The following UBE3D variants were observed in gnomAD, a reference collection of about 807,000 sequenced individuals.
UBE3D encodes E3 ubiquitin-protein ligase E3D.
Under a neutral mutation model 49.6 loss-of-function variants are expected in UBE3D, and 48 were observed. That is an observed-to-expected ratio of 0.97 (90% CI 0.77 to 1.23). UBE3D has a LOEUF of 1.23. UBE3D is among the 50% of genes most tolerant of loss of function. The pLI, the probability that UBE3D is intolerant of heterozygous loss-of-function variation, is 0.00. For synonymous variants in UBE3D, 189 were observed against 174.2 expected, an observed-to-expected ratio of 1.08 and a Z score of -0.67; for missense variants, 452 against 468.4, an observed-to-expected ratio of 0.96 and a Z score of 0.32.
intron 8 of UBE3D, among the ~76,000 whole-genome samples, chr6:83,000,407 T>A (rs1267085211): frequency 2.5e-4 from 38 of 152,162 alleles, no homozygotes; most frequent in Non-Finnish European, 5.9e-5. Flanking sequence ...ATCCAATCAA[T>A]CATCAAGTAT....
intron 5 of UBE3D, among the ~76,000 whole-genome samples, chr6:83,028,026 T>C (rs1299182277): frequency 2.6e-5 from 4 of 152,224 alleles, no homozygotes; most frequent in Non-Finnish European, 4.4e-5. Flanking sequence ...CTTCAAGTTG[T>C]ATCTAATCTG....
intron 9 of UBE3D, among the ~76,000 whole-genome samples, chr6:82,904,395 G>GTT (rs1330104092): frequency 2.0e-5 from 3 of 152,216 alleles, no homozygotes; most frequent in Non-Finnish European, 2.9e-5. Flanking sequence ...GAAGTCAGCA[G>GTT]TTTGTACACT....
chr6:82,980,966 A>G, intron 8 of UBE3D, among the ~76,000 whole-genome samples: 1 of 152,060 alleles, frequency 6.6e-6, no homozygotes, highest in East Asian at 1.9e-4. Flanking sequence ...TTCATATCAT[A>G]TGGATGAGTT....
intron 9 of UBE3D, among the ~76,000 whole-genome samples, chr6:82,897,913 A>T (rs1771447588): frequency 1.3e-5 from 2 of 152,194 alleles, no homozygotes; most frequent in African/African-American, 4.8e-5. Flanking sequence ...AATGGGAGAA[A>T]ATTTTTGCAA....
intron 9 of UBE3D, among the ~76,000 whole-genome samples, chr6:82,931,241 A>G (rs1291887289): frequency 6.6e-6 from 1 of 152,218 alleles, no homozygotes; most frequent in African/African-American, 2.4e-5. Flanking sequence ...GTGCCTGGAA[A>G]TCCAGGCAGA....
At chr6:82,953,083 T>C (rs1775916687) in intron 9 of UBE3D, among the ~76,000 whole-genome samples, 1 of 152,198 alleles carries the variant, frequency 6.6e-6, no homozygotes. Context: ...AAGATGGGTA[T>C]AGAAATGGCC....
chr6:83,000,698 T>A (rs149282039), intron 8 of UBE3D, among the ~76,000 whole-genome samples: 70 of 152,146 alleles, frequency 4.6e-4, no homozygotes, highest in African/African-American at 1.6e-3. Context: ...GTCTCTTCCC[T>A]ACTCTATGCC....
rs554069126 is a variant in UBE3D, at chr6:82,942,068, A to T, written c.1149+15244T>A. 2.6e-4 allele frequency among the ~76,000 whole-genome samples: 39 copies of T among 152,292 alleles called. 1 individual carries two copies. In the South Asian group the frequency reaches 5.4e-3, roughly 21 times the overall value. On this transcript the variant is annotated intron_variant, in intron 9 of 9. Coordinates refer to ENST00000369747, the MANE Select transcript of UBE3D (RefSeq NM_198920.3). ...GGAGGGCTCAGAGGAAGACAGGAAG[A>T]TGTGAGAAAGTTTGGAACTTCCTAG...
intron 1 of UBE3D, among the ~76,000 whole-genome samples, chr6:83,060,562 T>A (rs1263490587): frequency 6.6e-6 from 1 of 152,164 alleles, no homozygotes; most frequent in Non-Finnish European, 1.5e-5. Flanking sequence ...AGAAGCGACA[T>A]CCAACAGTGA....
At chr6:82,993,888 A>C (rs1779067244) in intron 8 of UBE3D, among the ~76,000 whole-genome samples, 1 of 152,230 alleles carries the variant, frequency 6.6e-6, no homozygotes, top group Admixed American at 6.5e-5. Context: ...TGATCATATG[A>C]GATTCATAGT....
At chr6:82,942,732 A>C (rs895555344) in intron 9 of UBE3D, among the ~76,000 whole-genome samples, 1 of 152,194 alleles carries the variant, frequency 6.6e-6, no homozygotes, top group Non-Finnish European at 1.5e-5. Flanking sequence ...CTCCACCTAG[A>C]TTTCAGAGGA....
intron 8 of UBE3D, among the ~76,000 whole-genome samples, chr6:82,983,689 C>T (rs919713066): frequency 6.6e-6 from 1 of 152,062 alleles, no homozygotes; most frequent in African/African-American, 2.4e-5. Context: ...TCTCATGACA[C>T]CAACATAATT....
intron 8 of UBE3D, among the ~76,000 whole-genome samples, chr6:82,995,903 C>A (rs952395322): frequency 3.9e-5 from 6 of 152,152 alleles, no homozygotes; most frequent in African/African-American, 1.4e-4. Context: ...ACCGTCTCTA[C>A]TAAAAATACA....
intron 9 of UBE3D, among the ~76,000 whole-genome samples, chr6:82,910,625 C>T (rs79697203): frequency 0.046 from 7,021 of 152,258 alleles, 186 homozygotes; most frequent in African/African-American, 0.066. Flanking sequence ...TCTGCAGAGA[C>T]GGCTGTCACA....
chr6:83,031,992 C>A (rs1337720218), intron 5 of UBE3D, among the ~76,000 whole-genome samples: 1 of 152,188 alleles, frequency 6.6e-6, no homozygotes, highest in Non-Finnish European at 1.5e-5. Flanking sequence ...GCCTGGATGT[C>A]CAGGCAGAGG....
At chr6:82,907,173 G>C (rs1183874569) in intron 9 of UBE3D, among the ~76,000 whole-genome samples, 1 of 152,136 alleles carries the variant, frequency 6.6e-6, no homozygotes, top group East Asian at 1.9e-4. Context: ...GCCTTATGTG[G>C]GGACAGGTTC....
intron 8 of UBE3D, among the ~76,000 whole-genome samples, chr6:82,975,790 T>A (rs1416650716): frequency 6.6e-6 from 1 of 152,114 alleles, no homozygotes; most frequent in African/African-American, 2.4e-5. Flanking sequence ...AATTTAAGAT[T>A]TTTGTCATTA....
At chr6:83,057,754 A>C in intron 2 of UBE3D, 72 bp downstream of exon 2, 2 of 1,510,276 alleles carry the variant, frequency 1.3e-6, no homozygotes, top group South Asian at 1.2e-5. Flanking sequence ...AGTTCAACTT[A>C]TCAAAGGAAA....
intron 5 of UBE3D, chr6:83,032,182 G>A: frequency 3.9e-5 from 18 of 456,124 alleles, no homozygotes; most frequent in Non-Finnish European, 7.0e-5. Context: ...TACACCGTAT[G>A]CCTAGAAAAG....
Sources: gnomAD v4.1 joint callset for allele counts (sites outside exome capture counted in the v4.1 genomes callset) on GRCh38, gnomAD v4.1.1 for gene constraint, MANE v1.5 for transcripts, NCBI Gene and HGNC (gene_info 2026-07-23, HGNC 2026-07-21) for gene names.